Variants in CAST observed in about 807,000 individuals in gnomAD.
CAST encodes calpastatin.
A neutral mutation model predicts 119.6 loss-of-function variants in CAST; 76 were observed. That is an observed-to-expected ratio of 0.64 (90% CI 0.53 to 0.77). CAST has a LOEUF of 0.77. Ranked by LOEUF, CAST falls within the 30% of genes least tolerant of loss-of-function variation. The pLI, the probability that CAST is intolerant of heterozygous loss-of-function variation, is 0.00. For synonymous variants in CAST, 319 were observed against 331.6 expected, an observed-to-expected ratio of 0.96 and a Z score of 0.41; for missense variants, 953 against 946.5, an observed-to-expected ratio of 1.01 and a Z score of -0.09.
chr5:96,206,894 G>T, the CAST span, among the ~76,000 whole-genome samples: 1 of 152,084 alleles, frequency 6.6e-6, no homozygotes, highest in African/African-American at 2.4e-5. Context: ...ATTGCTGTGG[G>T]CAGTATGGCC....
At chr5:96,495,276 G>A in the CAST span, among the ~76,000 whole-genome samples, 348 of 152,012 alleles carry the variant, frequency 2.3e-3, no homozygotes, top group Non-Finnish European at 4.2e-3. Context: ...TTTACTTTAA[G>A]TTCTGGGATG....
chr5:96,336,703 A>G, the CAST span, among the ~76,000 whole-genome samples: 1 of 152,248 alleles, frequency 6.6e-6, no homozygotes. Flanking sequence ...ATGCTTTTCC[A>G]GATGTCTAAT....
chr5:96,752,984 A>G (rs1765464485), intron 20 of CAST, among the ~76,000 whole-genome samples: 1 of 149,390 alleles, frequency 6.7e-6, no homozygotes, highest in African/African-American at 2.5e-5. Flanking sequence ...ACACACACAC[A>G]CACACACTCT....
chr5:96,498,452 C>A, the CAST span, among the ~76,000 whole-genome samples: 3 of 152,186 alleles, frequency 2.0e-5, no homozygotes, highest in African/African-American at 7.2e-5. Context: ...TTACCTTGGG[C>A]AGTATGGCCA....
intron 9 of CAST, among the ~76,000 whole-genome samples, chr5:96,732,248 G>A (rs1241121870): frequency 7.2e-6 from 1 of 138,844 alleles, no homozygotes; most frequent in Non-Finnish European, 1.5e-5. Context: ...TTTCTCTGAT[G>A]GCCAGTGATG....
the CAST span, among the ~76,000 whole-genome samples, chr5:96,226,668 T>A: frequency 3.0e-4 from 46 of 151,552 alleles, no homozygotes; most frequent in Middle Eastern, 3.4e-3. Context: ...AAAAAAGATT[T>A]AAAAAAAAAT....
chr5:96,014,636 T>C, the CAST span, among the ~76,000 whole-genome samples: 3 of 152,126 alleles, frequency 2.0e-5, no homozygotes, highest in Admixed American at 6.6e-5. Flanking sequence ...ATTTTTCAAC[T>C]TCATTATAAT....
At chr5:96,224,903 C>T in the CAST span, among the ~76,000 whole-genome samples, 3 of 152,170 alleles carry the variant, frequency 2.0e-5, 1 homozygote, top group Admixed American at 2.0e-4. Context: ...TCTGAACTGG[C>T]CAACTCAGCT....
chr5:96,392,960 A>C, the CAST span: 3 of 1,607,382 alleles, frequency 1.9e-6, no homozygotes, highest in South Asian at 3.3e-5. Flanking sequence ...CAGGGTAAGG[A>C]AGAAGCATGA....
the CAST span, among the ~76,000 whole-genome samples, chr5:96,072,374 A>G: frequency 6.6e-6 from 1 of 152,172 alleles, no homozygotes; most frequent in East Asian, 1.9e-4. Flanking sequence ...CGGCTGGAGA[A>G]CATGAATTTG....
chr5:96,084,600 T>A, the CAST span, among the ~76,000 whole-genome samples: 1 of 152,198 alleles, frequency 6.6e-6, no homozygotes, highest in African/African-American at 2.4e-5. Context: ...GAGAAATAAT[T>A]TACTGGAAGT....
the CAST span, chr5:95,961,730 C>T: frequency 6.3e-7 from 1 of 1,594,332 alleles, no homozygotes; most frequent in Non-Finnish European, 8.5e-7. Context: ...ATCTTAAACT[C>T]CCCGGGGTGC....
intron 1 of CAST, among the ~76,000 whole-genome samples, chr5:96,565,424 G>A (rs1746448705): frequency 6.6e-6 from 1 of 151,938 alleles, no homozygotes; most frequent in Non-Finnish European, 1.5e-5. Context: ...GATAAAACAA[G>A]TAGTACATCA....
At chr5:96,453,116 C>G in the CAST span, among the ~76,000 whole-genome samples, 1 of 151,946 alleles carries the variant, frequency 6.6e-6, no homozygotes, top group South Asian at 2.1e-4. Flanking sequence ...AAGGCATACA[C>G]TAAAATGGAC....
intron 1 of CAST, among the ~76,000 whole-genome samples, chr5:96,591,146 C>T (rs1301284164): frequency 6.6e-6 from 1 of 152,158 alleles, no homozygotes; most frequent in Non-Finnish European, 1.5e-5. Flanking sequence ...TCTCAGAGAA[C>T]AGCAAAAGAA....
At chr5:96,630,061 C>T (rs1485641340) in intron 1 of CAST, among the ~76,000 whole-genome samples, 1 of 152,174 alleles carries the variant, frequency 6.6e-6, no homozygotes, top group Non-Finnish European at 1.5e-5. Context: ...CCTGTCTTCT[C>T]AATTAGTCAT....
chr5:96,710,431 G>T (rs1755883317), intron 3 of CAST, among the ~76,000 whole-genome samples: 1 of 151,960 alleles, frequency 6.6e-6, no homozygotes, highest in Admixed American at 6.6e-5. Context: ...CAGCTTTTTA[G>T]GCCACAGACC....
the CAST span, among the ~76,000 whole-genome samples, chr5:96,333,482 A>G: frequency 6.6e-6 from 1 of 152,016 alleles, no homozygotes; most frequent in South Asian, 2.1e-4. Flanking sequence ...GGGCCCCATG[A>G]GCCTTCTCAC....
At chr5:96,376,349 T>C in the CAST span, among the ~76,000 whole-genome samples, 2 of 152,166 alleles carry the variant, frequency 1.3e-5, no homozygotes, top group Non-Finnish European at 2.9e-5. Flanking sequence ...TATAATTATG[T>C]ACAGTACATA....
Sources: gnomAD v4.1 joint callset for allele counts (sites outside exome capture counted in the v4.1 genomes callset) on GRCh38, gnomAD v4.1.1 for gene constraint, MANE v1.5 for transcripts, NCBI Gene and HGNC (gene_info 2026-07-23, HGNC 2026-07-21) for gene names.